Variants in CPXM2 observed in about 807,000 individuals in gnomAD.
CPXM2 encodes inactive carboxypeptidase-like protein X2.
CPXM2 carries 66 observed loss-of-function variants against 86.1 expected under a neutral mutation model. The observed-to-expected ratio is 0.77, with a 90% confidence interval of 0.63 to 0.94. The LOEUF (loss-of-function observed/expected upper bound fraction) is 0.94. Ranked by LOEUF, CPXM2 falls within the 40% of genes least tolerant of loss-of-function variation. The pLI, the probability that CPXM2 is intolerant of heterozygous loss-of-function variation, is 0.00. For missense variants in CPXM2, 948 were observed against 1,026.3 expected, an observed-to-expected ratio of 0.92 and a Z score of 1.04; for synonymous variants, 388 against 400.2, an observed-to-expected ratio of 0.97 and a Z score of 0.36.
chr10:123,785,634 CTTT>C (rs34924886), intron 6 of CPXM2, among the ~76,000 whole-genome samples: 15 of 136,702 alleles, frequency 1.1e-4, no homozygotes, highest in Non-Finnish European at 1.4e-4. Context: ...ACTTTAGCTT[CTTT>C]TTTTTTTTTT....
chr10:123,752,149 C>T (rs1846093049), intron 13 of CPXM2: 1 of 985,342 alleles, frequency 1.0e-6, no homozygotes, highest in African/African-American at 1.7e-5. Context: ...AACCACATCA[C>T]ACAGCCTTTC....
chr10:123,912,908 G>A (rs1265268890), intron 2 of CPXM2, among the ~76,000 whole-genome samples: 1 of 152,210 alleles, frequency 6.6e-6, no homozygotes, highest in Non-Finnish European at 1.5e-5. Flanking sequence ...GGAACTGCCA[G>A]ACCTTGTGGA....
chr10:123,941,064 G>A (rs373687998), upstream of CPXM2, among the ~76,000 whole-genome samples: 193 of 152,274 alleles, frequency 1.3e-3, no homozygotes, highest in African/African-American at 4.1e-3. Flanking sequence ...CCAGCTACTC[G>A]GGAGGCTGAG....
At chr10:123,941,864 G>A (rs1387552641), upstream of CPXM2, among the ~76,000 whole-genome samples, 1 of 152,246 alleles carries the variant, frequency 6.6e-6, no homozygotes, top group Non-Finnish European at 1.5e-5. Flanking sequence ...TGCGGATGAA[G>A]CAGTGGAAAC....
chr10:123,788,108 C>T (rs994382350), intron 6 of CPXM2, among the ~76,000 whole-genome samples: 1 of 151,438 alleles, frequency 6.6e-6, no homozygotes, highest in African/African-American at 2.4e-5. Context: ...GGTGAAATCC[C>T]GGTCTCTACT....
At chr10:123,909,595 CT>C (rs1945472174) in intron 2 of CPXM2, among the ~76,000 whole-genome samples, 1 of 152,174 alleles carries the variant, frequency 6.6e-6, no homozygotes, top group South Asian at 2.1e-4. Flanking sequence ...GAATATTTCT[CT>C]TTCCATTGTA....
intron 2 of CPXM2, among the ~76,000 whole-genome samples, chr10:123,875,807 CTTTTTTTTTT>C (rs780970130): frequency 1.0e-3 from 88 of 84,678 alleles, no homozygotes; most frequent in Middle Eastern, 0.015. Flanking sequence ...TCTTTTCTTT[CTTTTTTTTTT>C]TTTTTTTTTT....
chr10:123,857,575 TGGAGATGGAAGGC>T (rs1848755281), intron 3 of CPXM2, among the ~76,000 whole-genome samples: 14 of 119,512 alleles, frequency 1.2e-4, no homozygotes, highest in Non-Finnish European at 2.1e-4. Context: ...GAAGGCGGCG[TGGAGATGGAAGGC>T]GGCGTGGAGA....
At chr10:123,929,769 T>A (rs1325167850) in intron 2 of CPXM2, among the ~76,000 whole-genome samples, 1 of 152,156 alleles carries the variant, frequency 6.6e-6, no homozygotes. Context: ...GCAGGTCCTG[T>A]CTTAGAGCGG....
intron 13 of CPXM2, chr10:123,752,054 T>C (rs1219199675): frequency 4.1e-6 from 4 of 985,394 alleles, no homozygotes; most frequent in African/African-American, 1.7e-5. Flanking sequence ...AAGCACTAAA[T>C]AGTCAAGGAA....
intron 4 of CPXM2, among the ~76,000 whole-genome samples, chr10:123,841,415 G>T (rs1848382766): frequency 6.6e-6 from 1 of 152,258 alleles, no homozygotes. Flanking sequence ...ACAGTTTTGT[G>T]GTATTAAGTT....
chr10:123,818,822 T>A (rs1222710727), intron 4 of CPXM2, among the ~76,000 whole-genome samples: 1 of 152,162 alleles, frequency 6.6e-6, no homozygotes, highest in Non-Finnish European at 1.5e-5. Context: ...CAGAAGGCCA[T>A]GTATGCTCTG....
At chr10:123,796,111 C>T (rs1315747615) in intron 6 of CPXM2, among the ~76,000 whole-genome samples, 1 of 152,214 alleles carries the variant, frequency 6.6e-6, no homozygotes, top group Non-Finnish European at 1.5e-5. Context: ...TCCAGGATGC[C>T]GGGACCAGTC....
chr10:123,824,179 A>G (rs1847993313), intron 4 of CPXM2, among the ~76,000 whole-genome samples: 1 of 152,220 alleles, frequency 6.6e-6, no homozygotes, highest in African/African-American at 2.4e-5. Flanking sequence ...GTGGAAGTTT[A>G]TGTGAATAAA....
At chr10:123,867,981 G>C (rs1298770480) in intron 2 of CPXM2, among the ~76,000 whole-genome samples, 1 of 152,252 alleles carries the variant, frequency 6.6e-6, no homozygotes, top group Non-Finnish European at 1.5e-5. Flanking sequence ...AAGCATGCGA[G>C]CCACGTAAGA....
intron 6 of CPXM2, among the ~76,000 whole-genome samples, chr10:123,794,618 T>G (rs1423289517): frequency 2.0e-5 from 3 of 152,208 alleles, no homozygotes; most frequent in Non-Finnish European, 2.9e-5. Flanking sequence ...CAGGTTCTGA[T>G]AAGCATAGAT....
In CPXM2 at chr10:123,754,372, C is replaced by T. The variant is rs1846150570; in HGVS notation, c.2017+291G>A. On this transcript the variant is annotated intron_variant, in intron 13 of 13. Coordinates refer to ENST00000241305, the MANE Select transcript of CPXM2 (RefSeq NM_198148.3). This position sits in a 1 kb window ranked among gnomAD's most constrained non-coding sequence, Gnocchi z 4.0. ...AAGCTGCCTGCAGATGCAACAACTC[C>T]ATGGAGACAGAGCTGCTTCCTCAAC... 6.6e-6 allele frequency among the ~76,000 whole-genome samples: 1 copy of T among 152,220 alleles called. No individual in the cohort carries two copies. Among genetic ancestry groups the T allele is most frequent in the Non-Finnish European group, 1.5e-5 (1 of 68,038 alleles).
At chr10:123,757,814 G>A (rs1846248812) in intron 11 of CPXM2, among the ~76,000 whole-genome samples, 1 of 152,054 alleles carries the variant, frequency 6.6e-6, no homozygotes, top group South Asian at 2.1e-4. Context: ...ACCACTGTTT[G>A]CCAAGTGCCT....
chr10:123,774,047 G>A (rs761489601), intron 7 of CPXM2, among the ~76,000 whole-genome samples: 51 of 152,240 alleles, frequency 3.3e-4, no homozygotes, highest in South Asian at 6.2e-4. Context: ...AAGAAGATCT[G>A]ATTCAAAGGG....
Sources: allele counts gnomAD v4.1 joint callset (sites outside exome capture counted in the v4.1 genomes callset), GRCh38; gene constraint gnomAD v4.1.1; non-coding constraint Gnocchi (gnomAD v3.1); transcripts MANE v1.5; gene names NCBI Gene and HGNC (gene_info 2026-07-23, HGNC 2026-07-21).